KRT74: variants seen among roughly 807,000 people sequenced by gnomAD.
KRT74 encodes the protein keratin 74.
Under a neutral mutation model 42.7 loss-of-function variants are expected in KRT74, and 43 were observed. The ratio of observed to expected loss-of-function variants is 1.01; its 90% CI spans 0.79 to 1.30. The LOEUF (loss-of-function observed/expected upper bound fraction) is 1.30, where lower values mean the gene tolerates loss of function less well. Among genes scored for constraint, KRT74 ranks in the 50% most tolerant of loss-of-function variants. The pLI, the probability that KRT74 is intolerant of heterozygous loss-of-function variation, is 0.00. For missense variants in KRT74, 736 were observed against 689.1 expected (o/e 1.07, Z -0.76); for synonymous variants, 302 against 279.0 (o/e 1.08, Z -0.82).
At chr12:52,572,027 G>GCCTTAGCCC (rs750173501) in intron 2 of KRT74, 23 bp from the exon 3 acceptor site, 12 of 1,545,988 alleles carry the variant, frequency 7.8e-6, no homozygotes, top group Middle Eastern at 1.7e-4. Flanking sequence ...AGAGTAGATG[G>GCCTTAGCCC]CCTTAGCCCC....
intron 2 of KRT74, 152 bp downstream of exon 2, chr12:52,572,301 G>A: frequency 2.5e-6 from 2 of 808,420 alleles, no homozygotes; most frequent in Non-Finnish European, 4.1e-6. Flanking sequence ...TCATCAAAGA[G>A]GATAGGCCCT....
intron 8 of KRT74, 61 bp from the exon 9 acceptor site, chr12:52,567,229 T>A: frequency 7.2e-7 from 1 of 1,386,404 alleles, no homozygotes; most frequent in Non-Finnish European, 9.7e-7. Context: ...ATAACAGCTA[T>A]GGTAACGGCT....
At position 52,571,360 on chromosome 12, in the gene KRT74, G is replaced by A. The variant is rs376915882; in HGVS notation, c.842C>T (p.Ala281Val). Residue 281 changes from alanine to valine, a missense_variant and splice_region_variant, in exon 4 of 9, where the codon GCA becomes GTA. Ala to Val is a moderately conservative substitution (Grantham distance 64). Coordinates refer to ENST00000305620, the MANE Select transcript of KRT74 (RefSeq NM_175053.4). ...GTGGGGGGACAGGAGTGTCCTTACT[G>A]CATCATACAGACACTTGAGGAACTT... ...EIKFLKCLYD[A>V]EIAQIQTHAS... 6.3e-7 allele frequency: 1 copy of A among 1,586,776 alleles called. No homozygotes were observed. The highest frequency in any genetic ancestry group is 1.1e-5 in the South Asian group (1 of 90,440).
At chr12:52,570,036 G>T in intron 5 of KRT74, 52 bp from the exon 6 acceptor site, 1 of 1,607,536 alleles carries the variant, frequency 6.2e-7, no homozygotes, top group South Asian at 1.1e-5. Flanking sequence ...ACTGGGGAAG[G>T]GTCCTGTAAA....
chr12:52,568,041 TGA>T, intron 7 of KRT74, 126 bp downstream of exon 7: 2 of 1,121,222 alleles, frequency 1.8e-6, no homozygotes, highest in Non-Finnish European at 2.6e-6. Flanking sequence ...AAGCTGCCTC[TGA>T]GTTCACGAAA....
Position 52,568,231 on chromosome 12 carries a change from C to T in KRT74, c.1293G>A (p.Leu431=), listed in dbSNP as rs770681389. The T allele has an allele frequency of 3.7e-6, 6 of 1,614,106 alleles. No individual in the cohort carries two copies. Among genetic ancestry groups the T allele is most frequent in the Admixed American group, 1.7e-5 (1 of 60,010 alleles). Residue 431 remains leucine (L), a synonymous_variant, in exon 7 of 9, where the codon CTG becomes CTA. Coordinates refer to ENST00000305620, the MANE Select transcript of KRT74 (RefSeq NM_175053.4). ...CAATCTCCATGTCCAGGGCCAGTTT[C>T]AGGCTCATGAGCTCCTGGTACTCGC... is the stretch of plus-strand genomic sequence containing the variant. ...MLREYQELMS[L]KLALDMEIAT...
chr12:52,568,324 G>A lies in KRT74; in HGVS notation c.1200C>T (p.Ala400=). The A allele has an allele frequency of 6.2e-7, 1 of 1,614,224 alleles. No individual in the cohort carries two copies. The highest frequency in any genetic ancestry group is 8.5e-7 in the Non-Finnish European group (1 of 1,180,054). ...EQRGDNALKD[A]QAKLDELEGA... ...CCTCCAGCTCATCCAGCTTGGCCTG[G>A]GCATCCTTCAGGGCATTGTCTCCCC... Residue 400 remains alanine (A), a synonymous_variant, in exon 7 of 9, where the codon GCC becomes GCT. Coordinates refer to ENST00000305620, the MANE Select transcript of KRT74 (RefSeq NM_175053.4).
rs371931678 is a variant in KRT74 at position 52,570,761 on chromosome 12, C to G, written c.916G>C (p.Asp306His). ...ILSMDNNRDL[D>H]LDSIIAEVRM... ...ACCTCAGCGATGATGCTGTCAAGGT[C>G]CAGGTCCCGGTTGTTGTCCATGGAC... Residue 306 changes from aspartate (D) to histidine (H), a missense_variant, in exon 5 of 9, where the codon GAC (aspartate) becomes CAC (histidine). Physicochemically the swap from Asp to His is moderately conservative, Grantham distance 81. Coordinates refer to ENST00000305620, the MANE Select transcript of KRT74 (RefSeq NM_175053.4). 2 of 1,614,236 alleles carry G rather than the reference C, an allele frequency of 1.2e-6. No individual in the cohort carries two copies. Among genetic ancestry groups the G allele is most frequent in the East Asian group, 2.2e-5 (1 of 44,882 alleles).
At position 52,573,427 on chromosome 12, in the gene KRT74, G is replaced by C. The variant is rs755696725; in HGVS notation, c.351C>G (p.Val117=). 1 of 1,614,196 alleles carries C rather than the reference G, an allele frequency of 6.2e-7. No individual in the cohort carries two copies. The highest frequency in any genetic ancestry group is 1.1e-5 in the South Asian group (1 of 91,078). The change falls in exon 1 of 9, where the codon GTC becomes GTG. Residue 117 remains valine (V), a synonymous_variant. Coordinates refer to ENST00000305620, the MANE Select transcript of KRT74 (RefSeq NM_175053.4). ...CPPGGIHQVT[V]NKSLLAPLNV... is the part of the protein sequence containing the mutation. ...TGAGGGGGGCCAAGAGGCTCTTGTT[G>C]ACAGTGACCTGGTGGATGCCCCCAG...
At chr12:52,567,521 A>C in intron 8 of KRT74, 138 bp downstream of exon 8, 1 of 752,042 alleles carries the variant, frequency 1.3e-6, no homozygotes, top group Non-Finnish European at 2.4e-6. Flanking sequence ...AAGGGAGAAC[A>C]TTTCCTTTGA....
rs759884381 is a variant in KRT74, at chr12:52,571,352, T to C, written c.843+7A>G. 6.4e-7 allele frequency: 1 copy of C among 1,565,502 alleles called. No homozygotes were observed. The highest frequency in any genetic ancestry group is 8.8e-7 in the Non-Finnish European group (1 of 1,135,954). On this transcript the variant is annotated splice_region_variant and intron_variant, in intron 4 of 8. Coordinates refer to ENST00000305620, the MANE Select transcript of KRT74 (RefSeq NM_175053.4). The stretch of plus-strand genomic sequence containing the variant: ...GGGTGAGGGTGGGGGGACAGGAGTG[T>C]CCTTACTGCATCATACAGACACTTG...
In KRT74 at chr12:52,566,070, A is replaced by T. The variant is rs529042360; in HGVS notation, c.*899T>A. The T allele has an allele frequency of 2.0e-5, 3 of 152,328 alleles. No individual in the cohort carries two copies. The highest frequency in any genetic ancestry group is 1.9e-4 in the East Asian group (1 of 5,178). The allele number at this position is 152,328 out of a possible 1,614,324, so 9.4% of individuals were successfully genotyped here. A position where few individuals can be genotyped will look rare whatever the true frequency, so the allele number is the denominator to read the frequency against. ...AGTCCTGACAAAAGGCAATGTAATT[A>T]CGCTGCCCTCATCAAAAAGAATGGT... On this transcript the variant is annotated 3_prime_UTR_variant, in exon 9 of 9. Transcript: ENST00000305620.
At position 52,568,337 on chromosome 12, in the gene KRT74, G is replaced by A. The variant is rs1939417435; in HGVS notation, c.1187C>T (p.Ala396Val). The A allele has an allele frequency of 3.7e-6, 6 of 1,614,234 alleles. No individual in the cohort carries two copies. The highest frequency in any genetic ancestry group is 1.1e-5 in the South Asian group (1 of 91,086). ...IADAEQRGDN[A>V]LKDAQAKLDE... ...CAGCTTGGCCTGGGCATCCTTCAGG[G>A]CATTGTCTCCCCGCTGCTCAGCGTC... The change falls in exon 7 of 9, where the codon GCC becomes GTC. Residue 396 changes from alanine to valine, a missense_variant. By Grantham distance (64) the Ala-to-Val change is moderately conservative (BLOSUM62 0). Coordinates refer to ENST00000305620, the MANE Select transcript of KRT74 (RefSeq NM_175053.4).
In KRT74 at chr12:52,566,979, G is replaced by T; in HGVS notation, c.1580C>A (p.Ala527Asp). 6.2e-7 allele frequency: 1 copy of T among 1,609,530 alleles called. No individual in the cohort carries two copies. Among genetic ancestry groups the T allele is most frequent in the South Asian group, 1.1e-5 (1 of 90,560 alleles). Residue 527 changes from alanine to aspartate, a missense_variant, in exon 9 of 9, where the codon GCC becomes GAC. Coordinates refer to ENST00000305620, the MANE Select transcript of KRT74 (RefSeq NM_175053.4). ...GGTGAGGCCATGGGTCTAGCGGGTGGCTTTCCTTGCTGGGATGCTGGCTGG... is the reference window on the plus strand; with the variant it reads ...GGTGAGGCCATGGGTCTAGCGGGTGTCTTTCCTTGCTGGGATGCTGGCTGG... ...STPASIPARK[A>D]TR
chr12:52,571,958 C>A lies in KRT74; in HGVS notation c.733G>T (p.Val245Leu). 3 of 1,590,892 alleles carry A rather than the reference C, an allele frequency of 1.9e-6. No homozygotes were observed. Among genetic ancestry groups the A allele is most frequent in the Non-Finnish European group, 2.6e-6 (3 of 1,159,240 alleles). Residue 245 changes from valine (V) to leucine (L), a missense_variant, in exon 3 of 9, where the codon GTG becomes TTG. Transcript: ENST00000305620. ...NRRTTAENEF[V>L]VLKKDADAAY... ...CCCTCTCTTACCTTCTTAAGCACCA[C>A]AAACTCATTCTCTGCTGTCGTGCGC...
Position 52,566,844 on chromosome 12 carries a change from A to C in KRT74, c.*125T>G. The C allele has an allele frequency of 1.4e-6, 1 of 690,184 alleles. No homozygotes were observed. The highest frequency in any genetic ancestry group is 2.4e-6 in the Non-Finnish European group (1 of 417,208). The allele number at this position is 690,184 out of a possible 1,614,324, so 42.8% of individuals were successfully genotyped here. A position where few individuals can be genotyped will look rare whatever the true frequency, so the allele number is the denominator to read the frequency against. On this transcript the variant is annotated 3_prime_UTR_variant, in exon 9 of 9. Coordinates refer to ENST00000305620, the MANE Select transcript of KRT74 (RefSeq NM_175053.4). ...GAAAGTAAAAGCTAAACCACGATGCAGACAGTTGAGTGTACTACAGACAGT... is the reference window on the plus strand; with the variant it reads ...GAAAGTAAAAGCTAAACCACGATGCCGACAGTTGAGTGTACTACAGACAGT...
rs933649883 is a variant in KRT74, at chr12:52,566,867, A to G, written c.*102T>C. ...GCAGACAGTTGAGTGTACTACAGAC[A>G]GTTTTAAAACTCAGGGCCTGGGAAC... is the stretch of plus-strand genomic sequence containing the variant. On this transcript the variant is annotated 3_prime_UTR_variant, in exon 9 of 9. Coordinates refer to ENST00000305620, the MANE Select transcript of KRT74 (RefSeq NM_175053.4). 1 of 903,004 alleles carries G rather than the reference A, an allele frequency of 1.1e-6. No homozygotes were observed. The highest frequency in any genetic ancestry group is 1.7e-5 in the African/African-American group (1 of 60,334). The allele number at this position is 903,004 out of a possible 1,614,324, so 55.9% of individuals were successfully genotyped here. A position where few individuals can be genotyped will look rare whatever the true frequency, so the allele number is the denominator to read the frequency against.
intron 3 of KRT74, among the ~76,000 whole-genome samples, 183 bp from the exon 4 acceptor site, chr12:52,571,637 C>G (rs12809356): frequency 5.9e-5 from 9 of 152,186 alleles, no homozygotes; most frequent in Non-Finnish European, 1.0e-4. Flanking sequence ...TGGGGCAGCT[C>G]TGTTATGCCT....
chr12:52,573,405 G>T lies in KRT74; in HGVS notation c.373C>A (p.Leu125Ile). Residue 125 changes from leucine to isoleucine, a missense_variant, in exon 1 of 9, where the codon CTC becomes ATC. Coordinates refer to ENST00000305620, the MANE Select transcript of KRT74 (RefSeq NM_175053.4). Reference sequence around the variant, plus strand: ...ATCTCAGGGTCCAGCTCCACGTTGAGGGGGGCCAAGAGGCTCTTGTTGACA... The same window carrying T: ...ATCTCAGGGTCCAGCTCCACGTTGATGGGGGCCAAGAGGCTCTTGTTGACA... ...VTVNKSLLAP[L>I]NVELDPEIQK... 1 of 1,614,078 alleles carries T rather than the reference G, an allele frequency of 6.2e-7. No homozygotes were observed. Among genetic ancestry groups the T allele is most frequent in the South Asian group, 1.1e-5 (1 of 91,074 alleles).
Sources: allele counts gnomAD v4.1 joint callset (sites outside exome capture counted in the v4.1 genomes callset), GRCh38; gene constraint gnomAD v4.1.1; transcripts MANE v1.5; gene names NCBI Gene and HGNC (gene_info 2026-07-23, HGNC 2026-07-21).